ZNF362: variants seen among roughly 807,000 people sequenced by gnomAD.
The protein encoded by ZNF362 is rotund homolog.
Under a neutral mutation model 42.9 loss-of-function variants are expected in ZNF362, and 11 were observed. The observed-to-expected ratio is 0.26, with a 90% confidence interval of 0.16 to 0.42. ZNF362 has a LOEUF of 0.42. Among genes scored for constraint, ZNF362 ranks in the 20% least tolerant of loss-of-function variants. The probability of loss-of-function intolerance (pLI) is 1.00; values close to 1 mark genes in which losing one functional copy is unlikely to be tolerated. For missense variants in ZNF362, 362 were observed against 576.2 expected (o/e 0.63, Z 3.81); for synonymous variants, 255 against 257.3 (o/e 0.99, Z 0.09).
the ZNF362 span, chr1:33,195,512 T>C: frequency 6.6e-6 from 1 of 152,256 alleles, no homozygotes; most frequent in South Asian, 2.1e-4. Flanking sequence ...CTGGATGTCA[T>C]AGCCTACTAC....
rs2148106890 is a variant in ZNF362, at chr1:33,280,075, G to A, written c.350-49G>A. 6.6e-7 allele frequency: 1 copy of A among 1,512,678 alleles called. No individual in the cohort carries two copies. Among genetic ancestry groups the A allele is most frequent in the East Asian group, 2.3e-5 (1 of 43,702 alleles). The allele number at this position is 1,512,678 out of a possible 1,614,324, so 93.7% of individuals were successfully genotyped here. Reference sequence around the variant, plus strand: ...ACATAGCTGGGTGGGCAGCTGAGCTGGCCTCTGCAGCTCCGCTCACCCCTG... The same window carrying A: ...ACATAGCTGGGTGGGCAGCTGAGCTAGCCTCTGCAGCTCCGCTCACCCCTG... On this transcript the variant is annotated intron_variant, in intron 4 of 8. Coordinates refer to ENST00000539719, the MANE Select transcript of ZNF362 (RefSeq NM_152493.3). The surrounding 1 kb of genome is among the most constrained non-coding windows in gnomAD (Gnocchi z 5.6).
the ZNF362 span, among the ~76,000 whole-genome samples, chr1:33,159,336 T>C: frequency 6.6e-6 from 1 of 152,096 alleles, no homozygotes; most frequent in African/African-American, 2.4e-5. This position sits in a 1 kb window ranked among gnomAD's most constrained non-coding sequence, Gnocchi z 4.2. Context: ...CTATCTATAA[T>C]GTATACAGAA....
At chr1:33,225,088 T>C in the ZNF362 span, among the ~76,000 whole-genome samples, 1 of 152,170 alleles carries the variant, frequency 6.6e-6, no homozygotes, top group Non-Finnish European at 1.5e-5. Context: ...ACTGGCTTTG[T>C]TATTCCTTTT....
chr1:33,236,747 A>G, the ZNF362 span, among the ~76,000 whole-genome samples: 1 of 151,406 alleles, frequency 6.6e-6, no homozygotes, highest in Non-Finnish European at 1.5e-5. Flanking sequence ...TTTGTTAATT[A>G]GCTTTATTTA....
At chr1:33,199,688 T>A in the ZNF362 span, 40 of 152,316 alleles carry the variant, frequency 2.6e-4, no homozygotes, top group Admixed American at 2.6e-3. Context: ...GCAAAAGCAA[T>A]AACAATGCAT....
chr1:33,209,985 C>G, the ZNF362 span, among the ~76,000 whole-genome samples: 108,541 of 151,876 alleles, frequency 0.71, 39,151 homozygotes, highest in Non-Finnish European at 0.76. Flanking sequence ...AATTTGTTTG[C>G]TCTTCCTTCT....
the ZNF362 span, chr1:33,147,791 GCCTTC>G: frequency 6.5e-7 from 1 of 1,542,952 alleles, no homozygotes; most frequent in Non-Finnish European, 8.8e-7. The surrounding 1 kb of genome is among the most constrained non-coding windows in gnomAD (Gnocchi z 8.1). Flanking sequence ...ACCATGCAGT[GCCTTC>G]CTGAGGGCAG....
the ZNF362 span, among the ~76,000 whole-genome samples, chr1:33,189,651 A>ATATATATATGTATATATATACG: frequency 6.8e-4 from 14 of 20,706 alleles, no homozygotes; most frequent in African/African-American, 1.3e-3. Context: ...ATATATATAT[A>ATATATATATGTATATATATACG]TATATATATA....
chr1:33,250,909 T>G, the ZNF362 span, among the ~76,000 whole-genome samples: 1 of 79,460 alleles, frequency 1.3e-5, no homozygotes, highest in African/African-American at 4.5e-5. Flanking sequence ...AAGAAGAAGG[T>G]GCATGGTTGA....
the ZNF362 span, among the ~76,000 whole-genome samples, chr1:33,192,859 G>C: frequency 0.7 from 106,917 of 151,838 alleles, 38,169 homozygotes; most frequent in Non-Finnish European, 0.76. Context: ...GTGTATTCGG[G>C]AGTCTTCTGC....
intron 1 of ZNF362, among the ~76,000 whole-genome samples, chr1:33,260,377 G>A (rs1645821161): frequency 6.6e-6 from 1 of 152,204 alleles, no homozygotes; most frequent in Admixed American, 6.5e-5. Flanking sequence ...ACAAAGCCTG[G>A]TGGCAGGGCC....
the ZNF362 span, among the ~76,000 whole-genome samples, chr1:33,143,623 G>C: frequency 6.6e-6 from 1 of 152,300 alleles, no homozygotes; most frequent in South Asian, 2.1e-4. Context: ...TCAATGACTG[G>C]GGTGGTTCCC....
the ZNF362 span, among the ~76,000 whole-genome samples, chr1:33,173,395 A>ATG: frequency 6.6e-6 from 1 of 151,992 alleles, no homozygotes; most frequent in Non-Finnish European, 1.5e-5. Context: ...GGGTGCGTGC[A>ATG]TGTGTGTGTG....
the ZNF362 span, chr1:33,200,037 C>G: frequency 6.6e-6 from 1 of 152,066 alleles, no homozygotes; most frequent in East Asian, 1.9e-4. Flanking sequence ...AACAAACAAA[C>G]AAAACAAAAC....
At chr1:33,277,371 C>A (rs918270603) in intron 4 of ZNF362, among the ~76,000 whole-genome samples, 1 of 152,234 alleles carries the variant, frequency 6.6e-6, no homozygotes, top group African/African-American at 2.4e-5. Context: ...TATCTTCACT[C>A]TGTTTTGATG....
At chr1:33,134,242 G>A in the ZNF362 span, among the ~76,000 whole-genome samples, 3 of 152,214 alleles carry the variant, frequency 2.0e-5, no homozygotes, top group Non-Finnish European at 1.5e-5. Context: ...CGACTCATTT[G>A]ATCCTCACAG....
At chr1:33,168,200 C>T in the ZNF362 span, among the ~76,000 whole-genome samples, 1 of 152,010 alleles carries the variant, frequency 6.6e-6, no homozygotes. Context: ...TTTTGAGAGC[C>T]CATGCTGATG....
the ZNF362 span, among the ~76,000 whole-genome samples, chr1:33,218,275 T>C: frequency 6.6e-6 from 1 of 152,270 alleles, no homozygotes; most frequent in Admixed American, 6.5e-5. Flanking sequence ...ATACTGCCTC[T>C]ACAAAAAATT....
At chr1:33,277,245 C>T (rs918645346) in intron 4 of ZNF362, among the ~76,000 whole-genome samples, 5 of 152,208 alleles carry the variant, frequency 3.3e-5, no homozygotes, top group Non-Finnish European at 2.9e-5. Context: ...ATGCAGTTCA[C>T]CTTAATGTCT....
Sources: allele counts gnomAD v4.1 joint callset (sites outside exome capture counted in the v4.1 genomes callset), GRCh38; gene constraint gnomAD v4.1.1; non-coding constraint Gnocchi (gnomAD v3.1); transcripts MANE v1.5; gene names NCBI Gene and HGNC (gene_info 2026-07-23, HGNC 2026-07-21).